The following ARHGAP25 variants were observed in gnomAD, a reference collection of about 807,000 sequenced individuals.
ARHGAP25 encodes rho GTPase-activating protein 25.
ARHGAP25 carries 34 observed loss-of-function variants against 71.0 expected under a neutral mutation model. The ratio of observed to expected loss-of-function variants is 0.48; its 90% CI spans 0.36 to 0.64. The LOEUF is 0.64. ARHGAP25 is among the 30% of genes least tolerant of loss of function. The probability of loss-of-function intolerance (pLI) is 0.00; values close to 1 mark genes in which losing one functional copy is unlikely to be tolerated. For synonymous variants in ARHGAP25, 282 were observed against 296.5 expected (o/e 0.95, Z 0.50); for missense variants, 706 against 805.1 (o/e 0.88, Z 1.49).
chr2:68,812,512 T>G (rs1250270270), intron 5 of ARHGAP25, among the ~76,000 whole-genome samples: 1 of 152,212 alleles, frequency 6.6e-6, no homozygotes, highest in African/African-American at 2.4e-5. Flanking sequence ...CTCACCGCCT[T>G]TCAGAGTTCA....
At chr2:68,815,443 C>CTTTTTTTTTTTTTTTTTTTTT (rs796100406) in intron 6 of ARHGAP25, among the ~76,000 whole-genome samples, 4 of 62,332 alleles carry the variant, frequency 6.4e-5, no homozygotes, top group African/African-American at 2.6e-4. Flanking sequence ...TGTGTACTCT[C>CTTTTTTTTTTTTTTTTTTTTT]TTTTTTTTTT....
At chr2:68,740,711 A>G (rs1254057330) in intron 1 of ARHGAP25, among the ~76,000 whole-genome samples, 1 of 152,242 alleles carries the variant, frequency 6.6e-6, no homozygotes, top group East Asian at 1.9e-4. Flanking sequence ...GATAAGAGCC[A>G]TGAACATTTC....
At position 68,822,699 on chromosome 2, in the gene ARHGAP25, C is replaced by G. The variant is rs764510013; in HGVS notation, c.1560C>G (p.Leu520=). The G allele has an allele frequency of 3.1e-6, 5 of 1,614,204 alleles. No individual in the cohort carries two copies. The highest frequency in any genetic ancestry group is 1.1e-5 in the South Asian group (1 of 91,088). The change falls in exon 10 of 11, where the codon CTC becomes CTG. Residue 520 remains leucine, a synonymous_variant. Transcript: ENST00000409202. ...CCCCTGGGGAGGAAGCCAGTGCACT[C>G]TCTTCCCAAGCCTGTGACTCCAAGG... ...PGSPGEEASA[L]SSQACDSKGD... is the part of the protein sequence containing the mutation.
chr2:68,711,015 T>C (rs966841388), intron 2 of ARHGAP25, among the ~76,000 whole-genome samples: 4 of 152,208 alleles, frequency 2.6e-5, no homozygotes, highest in African/African-American at 9.6e-5. Context: ...TCATCCTATG[T>C]CAAACTTGAA....
At chr2:68,822,921 A>G in intron 10 of ARHGAP25, 49 bp downstream of exon 10, 2 of 1,523,640 alleles carry the variant, frequency 1.3e-6, no homozygotes, top group African/African-American at 1.4e-5. Flanking sequence ...CCATCTTTAG[A>G]GACAAGAGGG....
intron 1 of ARHGAP25, among the ~76,000 whole-genome samples, chr2:68,736,020 A>G (rs1378789379): frequency 6.6e-6 from 1 of 152,206 alleles, no homozygotes; most frequent in Non-Finnish European, 1.5e-5. Context: ...TTCACATCAG[A>G]GCAATCGGGC....
At chr2:68,712,172 A>T (rs899078436) in intron 2 of ARHGAP25, among the ~76,000 whole-genome samples, 9 of 152,162 alleles carry the variant, frequency 5.9e-5, no homozygotes, top group Non-Finnish European at 1.5e-5. Context: ...CCTCTCTAGC[A>T]TCTGTTGTTT....
chr2:68,726,031 AC>A (rs1674875029), intron 2 of ARHGAP25, among the ~76,000 whole-genome samples: 1 of 151,912 alleles, frequency 6.6e-6, no homozygotes, highest in Non-Finnish European at 1.5e-5. Flanking sequence ...CATTTCTTTC[AC>A]CCCTTCCCGT....
At chr2:68,775,170 C>T (rs377731291) in intron 1 of ARHGAP25, 51 bp from the exon 2 acceptor site, 29 of 1,613,968 alleles carry the variant, frequency 1.8e-5, no homozygotes, top group Non-Finnish European at 2.3e-5. Flanking sequence ...CCACTCTTTG[C>T]TCACTGCCCC....
chr2:68,775,067 A>T (rs968698365), intron 1 of ARHGAP25, 154 bp from the exon 2 acceptor site: 10 of 1,487,120 alleles, frequency 6.7e-6, no homozygotes, highest in Middle Eastern at 2.4e-4. Context: ...CTCGGGGGGG[A>T]CTTTCTCTGG....
chr2:68,818,970 C>A (rs1253196398), intron 8 of ARHGAP25, among the ~76,000 whole-genome samples, 153 bp from the exon 9 acceptor site: 3 of 152,202 alleles, frequency 2.0e-5, no homozygotes, highest in African/African-American at 7.2e-5. Flanking sequence ...CAACTCCAAG[C>A]AATTAAAAAG....
Position 68,772,472 on chromosome 2 carries a change from T to G in ARHGAP25, c.62-2749T>G, listed in dbSNP as rs1677549681. Among the ~76,000 whole-genome samples the G allele has an allele frequency of 2.0e-5, 3 of 152,384 alleles. No homozygotes were observed. In the South Asian group the frequency reaches 6.2e-4, roughly 32 times the overall value. ...TCACAAAAGCCACACCGGGATAGAC[T>G]TCACTGAGGCTACTGAAGTGGGGGA... On this transcript the variant is annotated intron_variant, in intron 1 of 10. Coordinates refer to ENST00000409202, the MANE Select transcript of ARHGAP25 (RefSeq NM_001007231.3).
Position 68,826,160 on chromosome 2 carries a change from TCAAA to T in ARHGAP25, c.1908_1911del (p.Lys637ProfsTer2). 6.2e-7 allele frequency: 1 copy of T among 1,614,088 alleles called. No individual in the cohort carries two copies. The highest frequency in any genetic ancestry group is 8.5e-7 in the Non-Finnish European group (1 of 1,180,030). On this transcript the variant is annotated frameshift_variant, in exon 11 of 11. Transcript: ENST00000409202. LOFTEE classifies it high-confidence loss of function. ...TTGGAAGAAGAAGTCAAGGAATTTG[TCAAA>T]TCCATGAAGGAACCCAAGACCGAGG...
chr2:68,717,210 A>G (rs900397595), intron 2 of ARHGAP25, among the ~76,000 whole-genome samples: 1 of 152,356 alleles, frequency 6.6e-6, no homozygotes, highest in South Asian at 2.1e-4. Context: ...ATATCTAAAC[A>G]TAGAAAAGGT....
At chr2:68,797,085 T>C (rs1240771294) in intron 4 of ARHGAP25, among the ~76,000 whole-genome samples, 1 of 152,140 alleles carries the variant, frequency 6.6e-6, no homozygotes, top group Non-Finnish European at 1.5e-5. Flanking sequence ...CAGGTGGTAG[T>C]TGGGTTGTGG....
rs1475078573 is a variant in ARHGAP25, at chr2:68,804,087, A to T, written c.467-3186A>T. Among the ~76,000 whole-genome samples, 4 of 152,184 alleles carry T rather than the reference A, an allele frequency of 2.6e-5. No individual in the cohort carries two copies. In the East Asian group the frequency reaches 7.7e-4, roughly 29 times the overall value. On this transcript the variant is annotated intron_variant, in intron 4 of 10. Coordinates refer to ENST00000409202, the MANE Select transcript of ARHGAP25 (RefSeq NM_001007231.3). ...GAAAGGGCTGCATTTGAGGCATGAG[A>T]GAAATAGAGGATGAAGGCAGGACAA...
chr2:68,822,735 T>G lies in ARHGAP25; in HGVS notation c.1596T>G (p.Leu532=), dbSNP rs200050655. The G allele has an allele frequency of 6.2e-7, 1 of 1,614,186 alleles. No individual in the cohort carries two copies. Among genetic ancestry groups the G allele is most frequent in the African/African-American group, 1.3e-5 (1 of 75,038 alleles). ...SQACDSKGDT[L]ASPNSETGPG... is the part of the protein sequence containing the mutation. ...CCTGTGACTCCAAGGGAGATACTCTTGCCAGTCCAAACTCTGAAACTGGGC... is the reference window on the plus strand; with the variant it reads ...CCTGTGACTCCAAGGGAGATACTCTGGCCAGTCCAAACTCTGAAACTGGGC... The change falls in exon 10 of 11, where the codon CTT becomes CTG. Residue 532 remains leucine (L), a synonymous_variant. Transcript: ENST00000409202.
chr2:68,801,421 C>G (rs77296692), intron 4 of ARHGAP25, among the ~76,000 whole-genome samples: 3,124 of 152,244 alleles, frequency 0.021, 108 homozygotes, highest in African/African-American at 0.07. Flanking sequence ...GACTGGTGTG[C>G]CAAAAGCCAC....
At chr2:68,726,000 T>TC (rs771368515) in intron 2 of ARHGAP25, among the ~76,000 whole-genome samples, 4 of 152,144 alleles carry the variant, frequency 2.6e-5, no homozygotes, top group Non-Finnish European at 5.9e-5. Context: ...GCAATCTCCC[T>TC]CCCCTCTCCC....
Sources: allele counts gnomAD v4.1 joint callset (sites outside exome capture counted in the v4.1 genomes callset), GRCh38; gene constraint gnomAD v4.1.1; transcripts MANE v1.5; gene names NCBI Gene and HGNC (gene_info 2026-07-23, HGNC 2026-07-21).